SVOP: variants seen among roughly 807,000 people sequenced by gnomAD.
SVOP encodes the protein SV2 related protein.
In SVOP, 17 loss-of-function variants were observed where a neutral mutation model predicts 69.1. That is an observed-to-expected ratio of 0.25 (90% confidence interval 0.17 to 0.37). SVOP has a LOEUF of 0.37. Among genes scored for constraint, SVOP ranks in the 10% least tolerant of loss-of-function variants. SVOP has a pLI of 1.00. For missense variants in SVOP, 435 were observed against 597.5 expected (o/e 0.73, Z 2.84); for synonymous variants, 238 against 238.6 (o/e 1.00, Z 0.02).
At chr12:108,929,093 C>G (rs1336917492) in intron 11 of SVOP, among the ~76,000 whole-genome samples, 2 of 152,184 alleles carry the variant, frequency 1.3e-5, no homozygotes, top group East Asian at 3.9e-4. Context: ...CACAAAGATA[C>G]TCAGGCTTAA....
intron 1 of SVOP, among the ~76,000 whole-genome samples, chr12:109,013,864 T>C (rs2040354978): frequency 6.6e-6 from 1 of 152,146 alleles, no homozygotes; most frequent in African/African-American, 2.4e-5. Context: ...ACCGAGTTCC[T>C]GGAACCACCA....
rs761508632 is a variant in SVOP, at chr12:108,978,596, A to C, written c.264T>G (p.Val88=). ...GFGKFQWKLS[V]LTGLAWMADA... is the part of the protein sequence containing the mutation. ...TACTTGCCCAAGCCAAGCCAGTGAGAACAGACAGCTTCCACTGAAATTTTC... is the reference window on the plus strand; with the variant it reads ...TACTTGCCCAAGCCAAGCCAGTGAGCACAGACAGCTTCCACTGAAATTTTC... The change falls in exon 3 of 16, where the codon GTT becomes GTG. Residue 88 remains valine, a synonymous_variant. Transcript: ENST00000610966. The C allele has an allele frequency of 2.0e-5, 14 of 703,878 alleles. No homozygotes were observed. The highest frequency in any genetic ancestry group is 3.1e-5 in the Non-Finnish European group (12 of 384,966). 43.6% of individuals were successfully genotyped at this position (703,878 alleles called of 1,614,324 possible).
At chr12:108,952,359 CAA>C (rs1181273582) in intron 6 of SVOP, among the ~76,000 whole-genome samples, 1 of 151,564 alleles carries the variant, frequency 6.6e-6, no homozygotes, top group African/African-American at 2.4e-5. Flanking sequence ...CTCAGCCTCC[CAA>C]GTAGCTAGGA....
At position 108,993,523 on chromosome 12, in the gene SVOP, G is replaced by A. The variant is rs370286637; in HGVS notation, c.36-9762C>T. Among the ~76,000 whole-genome samples, 68 of 152,254 alleles carry A rather than the reference G, an allele frequency of 4.5e-4. 3 individuals are homozygous for A. The highest frequency in any genetic ancestry group is 1.5e-3 in the African/African-American group (63 of 41,554). The stretch of plus-strand genomic sequence containing the variant: ...GCTGGGATCACTAAGGTCATCAGAC[G>A]TCAATGCCTTTCTGCAGTGCTCATA... On this transcript the variant is annotated intron_variant, in intron 1 of 15. Coordinates refer to ENST00000610966, the MANE Select transcript of SVOP (RefSeq NM_018711.5).
intron 7 of SVOP, 108 bp downstream of exon 7, chr12:108,944,995 A>G: frequency 1.0e-5 from 10 of 991,274 alleles, no homozygotes; most frequent in Non-Finnish European, 1.5e-5. Flanking sequence ...TTGAGTCTGT[A>G]ATGTTTTTTT....
chr12:108,958,518 A>G (rs950410726), intron 6 of SVOP, among the ~76,000 whole-genome samples: 1 of 152,048 alleles, frequency 6.6e-6, no homozygotes, highest in African/African-American at 2.4e-5. Context: ...ACAGTTTATG[A>G]TGTTTGCACG....
rs2040014229 is a variant in SVOP at position 108,960,920 on chromosome 12, T to C, written c.578+3A>G. The C allele has an allele frequency of 2.0e-6, 3 of 1,536,802 alleles. No homozygotes were observed. The highest frequency in any genetic ancestry group is 2.6e-6 in the Non-Finnish European group (3 of 1,146,782). On this transcript the variant is annotated splice_donor_region_variant and intron_variant, in intron 6 of 15. Transcript: ENST00000610966. Reference sequence around the variant, plus strand: ...GCATAGCCAGCACTGGGTATTTACTTACGACTGGGGAACTCCTCCGATCCC... The same window carrying C: ...GCATAGCCAGCACTGGGTATTTACTCACGACTGGGGAACTCCTCCGATCCC...
intron 11 of SVOP, among the ~76,000 whole-genome samples, chr12:108,930,293 G>A (rs756945888): frequency 2.6e-5 from 4 of 152,168 alleles, no homozygotes; most frequent in Non-Finnish European, 5.9e-5. Context: ...TAGGGTCAGA[G>A]ACAGACTGGT....
intron 6 of SVOP, among the ~76,000 whole-genome samples, chr12:108,953,955 T>G (rs2039970849): frequency 6.6e-6 from 1 of 151,674 alleles, no homozygotes; most frequent in Non-Finnish European, 1.5e-5. Context: ...CTATTAAAAA[T>G]ACAAAAATTA....
chr12:108,947,833 C>T (rs1280967508), intron 6 of SVOP, among the ~76,000 whole-genome samples: 2 of 152,168 alleles, frequency 1.3e-5, no homozygotes, highest in Admixed American at 6.5e-5. Context: ...CTCCTAGCTC[C>T]TCTTAAGGGG....
intron 11 of SVOP, among the ~76,000 whole-genome samples, chr12:108,923,709 C>T (rs936394605): frequency 6.6e-6 from 1 of 152,014 alleles, no homozygotes; most frequent in Non-Finnish European, 1.5e-5. Flanking sequence ...CTGTTATGCA[C>T]CAATAGATAA....
chr12:108,963,767 A>G (rs1003572225), intron 5 of SVOP, among the ~76,000 whole-genome samples: 6 of 152,116 alleles, frequency 3.9e-5, no homozygotes, highest in Non-Finnish European at 7.4e-5. Context: ...TCAGCCTCCT[A>G]AAGTGCTAGG....
chr12:108,914,457 C>T (rs564616130), intron 15 of SVOP, among the ~76,000 whole-genome samples: 1 of 152,342 alleles, frequency 6.6e-6, no homozygotes, highest in South Asian at 2.1e-4. Flanking sequence ...TGCTTCATGA[C>T]ACACGAAGAG....
At chr12:108,923,694 T>C (rs2039763855) in intron 11 of SVOP, among the ~76,000 whole-genome samples, 1 of 152,064 alleles carries the variant, frequency 6.6e-6, no homozygotes, top group Admixed American at 6.6e-5. Context: ...GAGTTTGTGG[T>C]AATTCTGTTA....
At chr12:108,923,588 T>C (rs1412787564) in intron 11 of SVOP, among the ~76,000 whole-genome samples, 1 of 151,982 alleles carries the variant, frequency 6.6e-6, no homozygotes, top group Non-Finnish European at 1.5e-5. Context: ...GTGTCCAGAC[T>C]CCTGACCTAC....
At chr12:108,933,045 A>T (rs2039831479) in intron 11 of SVOP, among the ~76,000 whole-genome samples, 1 of 151,800 alleles carries the variant, frequency 6.6e-6, no homozygotes, top group South Asian at 2.1e-4. Context: ...CAACCAGCTA[A>T]TTTTTGTACT....
intron 1 of SVOP, among the ~76,000 whole-genome samples, chr12:109,017,699 C>T (rs1342169464): frequency 1.3e-5 from 2 of 151,942 alleles, no homozygotes; most frequent in East Asian, 3.9e-4. Context: ...TGCCACCATG[C>T]CTGACTAATT....
intron 1 of SVOP, among the ~76,000 whole-genome samples, chr12:109,006,420 G>A (rs1310228775): frequency 6.6e-6 from 1 of 152,114 alleles, no homozygotes; most frequent in Non-Finnish European, 1.5e-5. Context: ...ATCACGAGAT[G>A]TGAGCCATTG....
intron 7 of SVOP, among the ~76,000 whole-genome samples, chr12:108,944,187 T>A (rs1340765286): frequency 6.6e-6 from 1 of 152,028 alleles, no homozygotes; most frequent in Non-Finnish European, 1.5e-5. Context: ...GCCTTTTTTT[T>A]TTTTTTAATA....
Sources: gnomAD v4.1 joint callset for allele counts (sites outside exome capture counted in the v4.1 genomes callset) on GRCh38, gnomAD v4.1.1 for gene constraint, MANE v1.5 for transcripts, NCBI Gene and HGNC (gene_info 2026-07-23, HGNC 2026-07-21) for gene names.